RELN: variants seen among roughly 807,000 people sequenced by gnomAD.
RELN encodes reelin.
RELN carries 108 observed loss-of-function variants against 427.6 expected under a neutral mutation model. The ratio of observed to expected loss-of-function variants is 0.25; its 90% CI spans 0.22 to 0.30. The LOEUF (loss-of-function observed/expected upper bound fraction) is 0.30, where lower values mean the gene tolerates loss of function less well. Among genes scored for constraint, RELN ranks in the 10% least tolerant of loss-of-function variants. RELN has a pLI of 1.00. For synonymous variants in RELN, 1,524 were observed against 1,513.4 expected (o/e 1.01, Z -0.16); for missense variants, 3,715 against 4,302.8 (o/e 0.86, Z 3.82).
At chr7:103,688,386 A>G (rs1163363960) in intron 10 of RELN, among the ~76,000 whole-genome samples, 1 of 152,100 alleles carries the variant, frequency 6.6e-6, no homozygotes, top group East Asian at 1.9e-4. Context: ...GTATATTGTC[A>G]GAATATAAAA....
intron 1 of RELN, among the ~76,000 whole-genome samples, chr7:103,969,909 A>G (rs1796728551): frequency 6.6e-6 from 1 of 152,202 alleles, no homozygotes; most frequent in African/African-American, 2.4e-5. Flanking sequence ...GGAGACTCAG[A>G]TAAGTAACTT....
chr7:103,913,427 C>T (rs1041251996), intron 2 of RELN, among the ~76,000 whole-genome samples: 15 of 152,164 alleles, frequency 9.9e-5, no homozygotes, highest in African/African-American at 3.6e-4. Context: ...AAATAAACCA[C>T]ATTTGCTTAA....
chr7:103,887,397 C>T (rs1003578741), intron 2 of RELN, among the ~76,000 whole-genome samples: 5 of 152,128 alleles, frequency 3.3e-5, no homozygotes, highest in African/African-American at 9.7e-5. Flanking sequence ...GTACAACACA[C>T]AAGATCAAAC....
At chr7:103,486,009 A>C (rs1349389272) in intron 61 of RELN, among the ~76,000 whole-genome samples, 188 bp downstream of exon 61, 1 of 152,012 alleles carries the variant, frequency 6.6e-6, no homozygotes, top group African/African-American at 2.4e-5. Flanking sequence ...TTCTCTAATA[A>C]ATTTAAGCGA....
chr7:103,759,491 A>C (rs1791242334), intron 4 of RELN, among the ~76,000 whole-genome samples: 1 of 152,150 alleles, frequency 6.6e-6, no homozygotes, highest in Non-Finnish European at 1.5e-5. Flanking sequence ...TGCTTTTTTG[A>C]ATAAATGATG....
chr7:103,564,711 A>G (rs911910957), intron 34 of RELN, among the ~76,000 whole-genome samples: 1 of 152,138 alleles, frequency 6.6e-6, no homozygotes, highest in Non-Finnish European at 1.5e-5. Context: ...CACAGGAGGT[A>G]CAGCCTCTAA....
chr7:103,674,290 C>T (rs942018066), intron 11 of RELN, among the ~76,000 whole-genome samples: 1 of 152,156 alleles, frequency 6.6e-6, no homozygotes, highest in African/African-American at 2.4e-5. Context: ...AGTGTACGCC[C>T]TTATCCTGTT....
chr7:103,979,443 A>C (rs2116838533), intron 1 of RELN, among the ~76,000 whole-genome samples: 1 of 152,342 alleles, frequency 6.6e-6, no homozygotes, highest in African/African-American at 2.4e-5. Flanking sequence ...CTTGGAGGCA[A>C]GGGCTGGAAA....
chr7:103,826,238 C>T (rs889823601), intron 3 of RELN, among the ~76,000 whole-genome samples: 4 of 151,410 alleles, frequency 2.6e-5, no homozygotes, highest in African/African-American at 9.7e-5. Context: ...GTCTCCAGAA[C>T]CATTAGCCAA....
chr7:103,917,207 A>C (rs1795503126), intron 1 of RELN, 22 bp from the exon 2 acceptor site: 1 of 1,548,454 alleles, frequency 6.5e-7, no homozygotes. Flanking sequence ...GAAAGAAAAA[A>C]AAAACTCTCA....
At chr7:103,737,536 G>C (rs562583572) in intron 6 of RELN, among the ~76,000 whole-genome samples, 9 of 152,102 alleles carry the variant, frequency 5.9e-5, no homozygotes, top group African/African-American at 2.2e-4. Context: ...ACTTCTTTTC[G>C]TTTGTGGGCT....
chr7:103,485,968 C>T (rs537719960), intron 61 of RELN, among the ~76,000 whole-genome samples: 1 of 152,324 alleles, frequency 6.6e-6, no homozygotes, highest in South Asian at 2.1e-4. Flanking sequence ...TACCACCACT[C>T]AGCCACTGTG....
intron 3 of RELN, among the ~76,000 whole-genome samples, chr7:103,813,521 AATTT>A (rs147345283): frequency 0.082 from 12,456 of 152,032 alleles, 702 homozygotes; most frequent in Non-Finnish European, 0.12. Flanking sequence ...TCTTATACTT[AATTT>A]AAGAATATTT....
chr7:103,520,951 T>TTTG (rs1584260618), intron 48 of RELN, among the ~76,000 whole-genome samples: 3 of 129,118 alleles, frequency 2.3e-5, no homozygotes, highest in East Asian at 5.4e-4. Context: ...TGGCAGTAAA[T>TTTG]TTGTTATTTT....
intron 18 of RELN, among the ~76,000 whole-genome samples, chr7:103,635,847 T>C (rs1483107839): frequency 6.6e-6 from 1 of 152,182 alleles, no homozygotes; most frequent in Non-Finnish European, 1.5e-5. Flanking sequence ...TACATACACT[T>C]AAAATGCCAA....
intron 8 of RELN, among the ~76,000 whole-genome samples, chr7:103,702,158 C>G (rs756357363): frequency 3.3e-5 from 5 of 152,210 alleles, no homozygotes; most frequent in Non-Finnish European, 5.9e-5. Context: ...CCACCTTATG[C>G]TACTTTAATT....
rs56342240 is a variant in RELN, at chr7:103,594,381, G to C, written c.3651C>G (p.Ile1217Met). ...GCTTCTGCTTCTCGGACAGAATGATGATGTCATCGACTGCCCACTGGTCAT... is the reference window on the plus strand; with the variant it reads ...GCTTCTGCTTCTCGGACAGAATGATCATGTCATCGACTGCCCACTGGTCAT... ...EDYDQWAVDD[I>M]IILSEKQKQI... is the part of the protein sequence containing the mutation. The change falls in exon 26 of 65, where the codon ATC (isoleucine) becomes ATG (methionine). Residue 1217 changes from isoleucine (I) to methionine (M), a missense_variant. By Grantham distance (10) the Ile-to-Met change is conservative. Coordinates refer to ENST00000428762, the MANE Select transcript of RELN (RefSeq NM_005045.4). 6,351 of 1,613,996 alleles carry C rather than the reference G, an allele frequency of 3.9e-3. 17 individuals carry two copies. Among genetic ancestry groups the C allele is most frequent in the Non-Finnish European group, 5.0e-3 (5,919 of 1,179,898 alleles).
At chr7:103,663,634 C>T (rs919879990) in intron 11 of RELN, among the ~76,000 whole-genome samples, 7 of 152,182 alleles carry the variant, frequency 4.6e-5, no homozygotes, top group African/African-American at 1.7e-4. Flanking sequence ...GTACTTAATG[C>T]CTACTGCTAC....
At chr7:103,625,783 G>T (rs1832316396) in intron 20 of RELN, among the ~76,000 whole-genome samples, 1 of 152,000 alleles carries the variant, frequency 6.6e-6, no homozygotes, top group South Asian at 2.1e-4. Flanking sequence ...TGAATATGTG[G>T]CCTTTTGATG....
Sources: gnomAD v4.1 joint callset for allele counts (sites outside exome capture counted in the v4.1 genomes callset) on GRCh38, gnomAD v4.1.1 for gene constraint, MANE v1.5 for transcripts, NCBI Gene and HGNC (gene_info 2026-07-23, HGNC 2026-07-21) for gene names.